ADGRL1: variants seen among roughly 807,000 people sequenced by gnomAD.
ADGRL1 encodes the protein CIRL-1.
In ADGRL1, 31 loss-of-function variants were observed where a neutral mutation model predicts 148.9. The ratio of observed to expected loss-of-function variants is 0.21; its 90% CI spans 0.16 to 0.28. ADGRL1 has a LOEUF of 0.28. Among genes scored for constraint, ADGRL1 ranks in the 10% least tolerant of loss-of-function variants. The probability of loss-of-function intolerance (pLI) is 1.00; values close to 1 mark genes in which losing one functional copy is unlikely to be tolerated. For missense variants in ADGRL1, 1,521 were observed against 2,058.8 expected (o/e 0.74, Z 5.05); for synonymous variants, 937 against 900.3 (o/e 1.04, Z -0.73).
chr19:14,184,169 T>C lies in ADGRL1; in HGVS notation c.-95-472A>G, dbSNP rs931835391. 2.6e-5 allele frequency among the ~76,000 whole-genome samples: 4 copies of C among 152,180 alleles called. No homozygotes were observed. The East Asian group carries it at 7.7e-4, about 29-fold the overall frequency. ...CCCCCGCCCCCAGCCCCCTGCTTCC[T>C]GTCTCTCAAGCTCTGGTGGCTAATT... On this transcript the variant is annotated intron_variant, in intron 1 of 22. Coordinates refer to ENST00000361434, the MANE Select transcript of ADGRL1 (RefSeq NM_014921.5).
At chr19:14,177,345 A>G (rs901118233) in intron 3 of ADGRL1, among the ~76,000 whole-genome samples, 186 bp downstream of exon 3, 1 of 152,172 alleles carries the variant, frequency 6.6e-6, no homozygotes, top group African/African-American at 2.4e-5. Flanking sequence ...TCGGGGGCAC[A>G]GGCTGGCTGT....
At chr19:14,153,457 T>C (rs1968418192) in intron 18 of ADGRL1, among the ~76,000 whole-genome samples, 1 of 140,670 alleles carries the variant, frequency 7.1e-6, no homozygotes, top group African/African-American at 2.7e-5. Context: ...GCACTGTCAC[T>C]CGGGCTGGAG....
Position 14,156,203 on chromosome 19 carries a change from T to TG in ADGRL1, c.3034-3dup, listed in dbSNP as rs553328103. ...CACCATGAGGAACACCAGGTTGACCTGGGGGCGGGACAAGGGGCAGGCTGG... is the reference window on the plus strand; with the variant it reads ...CACCATGAGGAACACCAGGTTGACCTGGGGGGCGGGACAAGGGGCAGGCTGG... On this transcript the variant is annotated splice_polypyrimidine_tract_variant and splice_region_variant and intron_variant, in intron 16 of 22. Transcript: ENST00000361434. 1.9e-5 allele frequency: 31 copies of TG among 1,610,274 alleles called. 1 individual carries two copies. The African/African-American group carries it at 4.0e-4, about 21-fold the overall frequency.
chr19:14,161,043 T>C lies in ADGRL1; in HGVS notation c.1510+269A>G. On this transcript the variant is annotated intron_variant, in intron 6 of 22. Coordinates refer to ENST00000361434, the MANE Select transcript of ADGRL1 (RefSeq NM_014921.5). This position sits in a 1 kb window ranked among gnomAD's most constrained non-coding sequence, Gnocchi z 4.4. ...TTTTTGCACTTCAGCTGGCCATCCA[T>C]GTGAAGCTGACTGTGCCTGGGGCTG... 6.6e-6 allele frequency among the ~76,000 whole-genome samples: 1 copy of C among 152,158 alleles called. No individual in the cohort carries two copies. Among genetic ancestry groups the C allele is most frequent in the East Asian group, 1.9e-4 (1 of 5,188 alleles).
At chr19:14,184,638 A>C (rs868354478) in intron 1 of ADGRL1, among the ~76,000 whole-genome samples, 1 of 120,926 alleles carries the variant, frequency 8.3e-6, no homozygotes, top group Non-Finnish European at 1.7e-5. Context: ...TTATTTATTT[A>C]TTTATTTATT....
chr19:14,182,182 T>G lies in ADGRL1; in HGVS notation c.70+1351A>C, dbSNP rs138055364. 1.8e-3 allele frequency among the ~76,000 whole-genome samples: 268 copies of G among 152,314 alleles called. 1 individual carries two copies. The highest frequency in any genetic ancestry group is 6.2e-3 in the African/African-American group (257 of 41,578). ...GACAATTCCCATCTCACAGGACTGT[T>G]GTGATGGCTCCAGGGTGTTAATGTG... is the stretch of plus-strand genomic sequence containing the variant. On this transcript the variant is annotated intron_variant, in intron 2 of 22. Transcript: ENST00000361434.
intron 1 of ADGRL1, among the ~76,000 whole-genome samples, chr19:14,187,686 A>G (rs1168162110): frequency 5.3e-5 from 8 of 150,364 alleles, no homozygotes; most frequent in Admixed American, 1.3e-4. Context: ...ACCAGCCCCT[A>G]TCCGCATCTC....
chr19:14,189,795 T>C (rs1457182058), intron 1 of ADGRL1, among the ~76,000 whole-genome samples: 15 of 152,220 alleles, frequency 9.9e-5, no homozygotes, highest in African/African-American at 3.6e-4. Context: ...TTGATATCCA[T>C]TATGTGTTGT....
At chr19:14,184,633 TATTTATTTA>T (rs1372173938) in intron 1 of ADGRL1, among the ~76,000 whole-genome samples, 30 of 131,158 alleles carry the variant, frequency 2.3e-4, no homozygotes, top group African/African-American at 8.8e-4. Flanking sequence ...TTTATTTATT[TATTTATTTA>T]TTTATTTTTT....
Position 14,196,165 on chromosome 19 carries a change from G to A in ADGRL1, c.-96+9820C>T, listed in dbSNP as rs147281853. Among the ~76,000 whole-genome samples the A allele has an allele frequency of 3.3e-3, 501 of 152,248 alleles. 6 individuals carry two copies. The highest frequency in any genetic ancestry group is 0.011 in the African/African-American group (458 of 41,540). ...TCCCATCCAATCTCTACCTCGAGGC[G>A]AGAACAATCTTTGCAAAATGAAACT... On this transcript the variant is annotated intron_variant, in intron 1 of 22. Transcript: ENST00000361434.
chr19:14,169,205 G>A (rs1017185584), intron 4 of ADGRL1: 2 of 152,250 alleles, frequency 1.3e-5, no homozygotes, highest in South Asian at 2.1e-4. Context: ...GTTTACACTC[G>A]GCACTCAAAA....
Position 14,150,686 on chromosome 19 carries a change from G to A in ADGRL1, c.*187C>T. ...GTGTGGCTGGTGGGAAACCCTGTCT[G>A]TGAACCCTGGCACCTCAGGCCCCCA... On this transcript the variant is annotated 3_prime_UTR_variant, in exon 23 of 23. Transcript: ENST00000361434. The A allele has an allele frequency of 1.5e-6, 1 of 645,718 alleles. No homozygotes were observed. The highest frequency in any genetic ancestry group is 2.6e-6 in the Non-Finnish European group (1 of 390,296). 40.0% of individuals were successfully genotyped at this position (645,718 alleles called of 1,614,324 possible).
At position 14,162,023 on chromosome 19, in the gene ADGRL1, A is replaced by G. The variant is rs535052246; in HGVS notation, c.1196-397T>C. 9.9e-5 allele frequency among the ~76,000 whole-genome samples: 15 copies of G among 152,242 alleles called. No individual in the cohort carries two copies. The highest frequency in any genetic ancestry group is 9.8e-4 in the Admixed American group (15 of 15,296). On this transcript the variant is annotated intron_variant, in intron 5 of 22. Transcript: ENST00000361434. This position sits in a 1 kb window ranked among gnomAD's most constrained non-coding sequence, Gnocchi z 5.4. ...TACCACCGCCCCCCATCCTCGTTCT[A>G]GCTGACTTTGGCTTATGTAACCTGG...
Position 14,174,535 on chromosome 19 carries a change from ATT to A in ADGRL1, c.284+2994_284+2995del, listed in dbSNP as rs35665946. On this transcript the variant is annotated intron_variant, in intron 3 of 22. Transcript: ENST00000361434. Reference sequence around the variant, plus strand: ...ACCCGCTCCTCCCCTGGTAACACACATTTTTTTTTTTTTTTTTTGAGACAGAG... The same window carrying A: ...ACCCGCTCCTCCCCTGGTAACACACATTTTTTTTTTTTTTTTGAGACAGAG... Among the ~76,000 whole-genome samples the A allele has an allele frequency of 1.8e-3, 251 of 136,588 alleles. 1 individual carries two copies. The highest frequency in any genetic ancestry group is 5.9e-3 in the African/African-American group (211 of 35,730). 89.6% of individuals were successfully genotyped at this position (136,588 alleles called of 152,430 possible).
In ADGRL1 at chr19:14,183,646, G is replaced by T. The variant is rs771797484; in HGVS notation, c.-44C>A. On this transcript the variant is annotated 5_prime_UTR_variant, in exon 2 of 23. Coordinates refer to ENST00000361434, the MANE Select transcript of ADGRL1 (RefSeq NM_014921.5). ...GTCCGGAGCTCTCAGTGGCCTGTGC[G>T]GGGGGCTTTGCCCCACATCACCTGG... 3 of 1,514,646 alleles carry T rather than the reference G, an allele frequency of 2.0e-6. No homozygotes were observed. Among genetic ancestry groups the T allele is most frequent in the Admixed American group, 2.0e-5 (1 of 49,830 alleles). 93.8% of individuals were successfully genotyped at this position (1,514,646 alleles called of 1,614,324 possible).
At position 14,151,118 on chromosome 19, in the gene ADGRL1, A is replaced by G; in HGVS notation, c.4165T>C (p.Ser1389Pro). Residue 1389 changes from serine to proline, a missense_variant, in exon 23 of 23, where the codon TCA becomes CCA. Ser to Pro is a moderately conservative substitution (Grantham distance 74). Transcript: ENST00000361434. ...GGGCTGCTGTCCGGGTAGGAGGGTGAGTCCCGCAGGTTGGCCCCGCTGGCA... is the reference window on the plus strand; with the variant it reads ...GGGCTGCTGTCCGGGTAGGAGGGTGGGTCCCGCAGGTTGGCCCCGCTGGCA... Reference protein sequence around the residue: ...LYASGANLRDSPSYPDSSPEG... With the variant: ...LYASGANLRDPPSYPDSSPEG... 1 of 1,569,372 alleles carries G rather than the reference A, an allele frequency of 6.4e-7. No homozygotes were observed. Among genetic ancestry groups the G allele is most frequent in the Non-Finnish European group, 8.6e-7 (1 of 1,160,212 alleles).
At chr19:14,163,532 G>A in intron 4 of ADGRL1, 126 bp from the exon 5 acceptor site, 1 of 729,146 alleles carries the variant, frequency 1.4e-6, no homozygotes, top group South Asian at 1.9e-5. Flanking sequence ...CGCTGCTGGT[G>A]GGGAGCCAGG....
At chr19:14,174,320 G>A (rs982146853) in intron 3 of ADGRL1, among the ~76,000 whole-genome samples, 5 of 152,156 alleles carry the variant, frequency 3.3e-5, no homozygotes, top group Non-Finnish European at 5.9e-5. Context: ...GGGCACCCTC[G>A]GCAGGGGTGT....
intron 3 of ADGRL1, among the ~76,000 whole-genome samples, chr19:14,177,091 G>A (rs1042121938): frequency 7.9e-5 from 12 of 152,094 alleles, no homozygotes; most frequent in East Asian, 1.9e-4. Context: ...TTAGTCAGGC[G>A]TGGTGGCGTG....
Sources: gnomAD v4.1 joint callset for allele counts (sites outside exome capture counted in the v4.1 genomes callset) on GRCh38, gnomAD v4.1.1 for gene constraint, Gnocchi (gnomAD v3.1) non-coding constraint, MANE v1.5 for transcripts, NCBI Gene and HGNC (gene_info 2026-07-23, HGNC 2026-07-21) for gene names.